The following TXNRD1 variants were observed in gnomAD, a reference collection of about 807,000 sequenced individuals.
The protein encoded by TXNRD1 is thioredoxin reductase 1, cytoplasmic.
TXNRD1 carries 57 observed loss-of-function variants against 80.3 expected under a neutral mutation model. That is an observed-to-expected ratio of 0.71 (90% CI 0.57 to 0.89). The LOEUF (loss-of-function observed/expected upper bound fraction) is 0.89. Among genes scored for constraint, TXNRD1 ranks in the 40% least tolerant of loss-of-function variants. TXNRD1 has a pLI of 0.00. For synonymous variants in TXNRD1, 291 were observed against 285.2 expected (o/e 1.02, Z -0.20); for missense variants, 730 against 803.0 (o/e 0.91, Z 1.10).
chr12:104,315,766 T>C lies in TXNRD1; in HGVS notation c.611-11T>C. On this transcript the variant is annotated splice_polypyrimidine_tract_variant and intron_variant, in intron 6 of 16. Transcript: ENST00000525566. ...AGCAGGTTATAAACTGATTTCTCAA[T>C]GTTGTTGTAGGTCTCGGAGGAACAT... is the stretch of plus-strand genomic sequence containing the variant. The C allele has an allele frequency of 6.2e-7, 1 of 1,609,252 alleles. No individual in the cohort carries two copies. Among genetic ancestry groups the C allele is most frequent in the Non-Finnish European group, 8.5e-7 (1 of 1,177,164 alleles).
chr12:104,245,649 A>AAAC (rs2135698879), intron 1 of TXNRD1, among the ~76,000 whole-genome samples: 1 of 4,498 alleles, frequency 2.2e-4, no homozygotes, highest in South Asian at 5.8e-3. Flanking sequence ...ACCCTGTCTC[A>AAAC]AAAAAAAAAA....
chr12:104,288,876 C>T (rs751851285), intron 3 of TXNRD1, 55 bp from the exon 4 acceptor site: 2 of 1,613,574 alleles, frequency 1.2e-6, no homozygotes, highest in Non-Finnish European at 1.7e-6. Context: ...CAGTTCCCGC[C>T]TGTTAGCGGG....
chr12:104,301,156 A>G (rs1218816281), intron 4 of TXNRD1, among the ~76,000 whole-genome samples: 1 of 152,168 alleles, frequency 6.6e-6, no homozygotes. Context: ...TGGTATTAGT[A>G]ATACTTTATA....
Position 104,339,295 on chromosome 12 carries a change from AGTTTAAAAT to A in TXNRD1, c.1881+34_1881+42del, listed in dbSNP as rs776287578. The stretch of plus-strand genomic sequence containing the variant: ...AGAGGTGGGTCATCTACACTTATAC[AGTTTAAAAT>A]GTTTAAAATGTGCCACATAGAAGCA... On this transcript the variant is annotated intron_variant, in intron 16 of 16. Transcript: ENST00000525566. The A allele has an allele frequency of 7.7e-5, 124 of 1,613,482 alleles. 2 individuals carry two copies. The African/African-American group carries it at 1.4e-3, about 18-fold the overall frequency.
intron 2 of TXNRD1, 51 bp downstream of exon 2, chr12:104,251,729 A>G: frequency 6.3e-7 from 1 of 1,587,186 alleles, no homozygotes; most frequent in Non-Finnish European, 8.6e-7. Context: ...AATTTGACAG[A>G]CTTTTGAGCT....
In TXNRD1 at chr12:104,258,255, C is replaced by T. The variant is rs1371685712; in HGVS notation, c.304+176C>T. On this transcript the variant is annotated intron_variant, in intron 3 of 16. Transcript: ENST00000525566. ...ACTCTCCTGGAGCTAATCATATTCA[C>T]CTTTAGCCTTTACCTAGTGTATAGC... 7.3e-6 allele frequency: 4 copies of T among 550,336 alleles called. No homozygotes were observed. In the African/African-American group the frequency reaches 7.9e-5, roughly 11 times the overall value. 34.1% of individuals were successfully genotyped at this position (550,336 alleles called of 1,614,324 possible).
At chr12:104,250,046 A>G (rs1336199968) in intron 1 of TXNRD1, among the ~76,000 whole-genome samples, 2 of 152,152 alleles carry the variant, frequency 1.3e-5, no homozygotes, top group East Asian at 3.8e-4. Context: ...CACCATTTAA[A>G]TATCAGTCTA....
intron 3 of TXNRD1, among the ~76,000 whole-genome samples, chr12:104,272,619 G>A (rs1359519356): frequency 6.6e-6 from 1 of 152,062 alleles, no homozygotes; most frequent in African/African-American, 2.4e-5. Context: ...GTGAAACCCA[G>A]TCTCTACTAA....
chr12:104,235,604 G>T (rs1349361762), intron 1 of TXNRD1, among the ~76,000 whole-genome samples: 1 of 152,168 alleles, frequency 6.6e-6, no homozygotes, highest in East Asian at 1.9e-4. Flanking sequence ...TATATTCTCT[G>T]TAAATTTATA....
chr12:104,306,543 A>G (rs760636061), intron 4 of TXNRD1, among the ~76,000 whole-genome samples: 1 of 152,216 alleles, frequency 6.6e-6, no homozygotes, highest in Non-Finnish European at 1.5e-5. Context: ...CTAGTGGTAC[A>G]GGAAAGGGAA....
At chr12:104,305,928 CAG>C (rs1412398460) in intron 4 of TXNRD1, among the ~76,000 whole-genome samples, 1 of 152,004 alleles carries the variant, frequency 6.6e-6, no homozygotes, top group East Asian at 1.9e-4. Flanking sequence ...CCCCTCGAGA[CAG>C]AGTATCACTC....
chr12:104,322,305 T>G (rs951343945), intron 10 of TXNRD1, among the ~76,000 whole-genome samples: 1 of 151,896 alleles, frequency 6.6e-6, no homozygotes, highest in African/African-American at 2.4e-5. Flanking sequence ...AATATTGTTA[T>G]GAAGATTAAG....
chr12:104,236,550 G>A (rs2032741922), intron 1 of TXNRD1, among the ~76,000 whole-genome samples: 1 of 152,138 alleles, frequency 6.6e-6, no homozygotes. Context: ...AGCACTTTGG[G>A]AGGCTGAGAT....
intron 3 of TXNRD1, among the ~76,000 whole-genome samples, chr12:104,264,852 G>A (rs2033440626): frequency 6.6e-6 from 1 of 152,154 alleles, no homozygotes; most frequent in Non-Finnish European, 1.5e-5. Context: ...ATGGATTTAT[G>A]GGTCAGAGTA....
At chr12:104,332,978 T>C (rs1014140570) in intron 14 of TXNRD1, among the ~76,000 whole-genome samples, 1 of 151,810 alleles carries the variant, frequency 6.6e-6, no homozygotes, top group Non-Finnish European at 1.5e-5. Context: ...TTAATGTTTT[T>C]CAAAGTTTGA....
intron 3 of TXNRD1, among the ~76,000 whole-genome samples, chr12:104,276,239 T>C (rs1045298527): frequency 6.6e-6 from 1 of 152,008 alleles, no homozygotes; most frequent in African/African-American, 2.4e-5. Flanking sequence ...AGGTTATAGG[T>C]TGTAGTGCTC....
intron 4 of TXNRD1, among the ~76,000 whole-genome samples, chr12:104,308,898 CTTTTT>C (rs11484262): frequency 7.7e-6 from 1 of 129,732 alleles, no homozygotes; most frequent in Non-Finnish European, 1.6e-5. Flanking sequence ...AACAATGTTT[CTTTTT>C]TTTTTTTTTT....
chr12:104,278,313 G>C (rs2033801828), intron 3 of TXNRD1, among the ~76,000 whole-genome samples: 1 of 146,658 alleles, frequency 6.8e-6, no homozygotes. Flanking sequence ...CCTTTTTCCT[G>C]CCTCAGCCTC....
intron 3 of TXNRD1, among the ~76,000 whole-genome samples, chr12:104,271,119 G>T (rs184277023): frequency 2.1e-4 from 32 of 152,130 alleles, no homozygotes; most frequent in Non-Finnish European, 3.7e-4. Context: ...TTTCACCTGG[G>T]TGCAGGCAGG....
Sources: allele counts gnomAD v4.1 joint callset (sites outside exome capture counted in the v4.1 genomes callset), GRCh38; gene constraint gnomAD v4.1.1; transcripts MANE v1.5; gene names NCBI Gene and HGNC (gene_info 2026-07-23, HGNC 2026-07-21).